The following PPARGC1A variants were observed in gnomAD, a reference collection of about 807,000 sequenced individuals.
PPARGC1A encodes PPARG coactivator 1 alpha.
A neutral mutation model predicts 88.7 loss-of-function variants in PPARGC1A; 25 were observed. The observed-to-expected ratio is 0.28, with a 90% confidence interval of 0.21 to 0.39. The LOEUF is 0.39. PPARGC1A is among the 10% of genes least tolerant of loss of function. PPARGC1A has a pLI of 1.00. For missense variants in PPARGC1A, 880 were observed against 968.7 expected (o/e 0.91, Z 1.22); for synonymous variants, 363 against 355.6 (o/e 1.02, Z -0.24).
chr4:24,069,386 C>T, the PPARGC1A span, among the ~76,000 whole-genome samples: 24 of 152,330 alleles, frequency 1.6e-4, no homozygotes, highest in African/African-American at 5.1e-4. Context: ...CTACCCATCA[C>T]CAAAGCTAGG....
chr4:24,458,997 G>A, the PPARGC1A span, among the ~76,000 whole-genome samples: 14 of 151,934 alleles, frequency 9.2e-5, no homozygotes, highest in South Asian at 4.2e-4. Flanking sequence ...GTTTTGATTC[G>A]ATTTTTCTTC....
At chr4:24,258,726 G>A in the PPARGC1A span, among the ~76,000 whole-genome samples, 1 of 152,152 alleles carries the variant, frequency 6.6e-6, no homozygotes, top group Non-Finnish European at 1.5e-5. Flanking sequence ...ATATGGACTT[G>A]TCTTTTAAAA....
the PPARGC1A span, among the ~76,000 whole-genome samples, chr4:24,333,115 G>C: frequency 3.1e-4 from 47 of 152,070 alleles, no homozygotes; most frequent in Non-Finnish European, 2.8e-4. Context: ...GGTGACACGC[G>C]CCTGTAATCC....
the PPARGC1A span, among the ~76,000 whole-genome samples, chr4:24,075,729 T>C: frequency 6.6e-6 from 1 of 152,148 alleles, no homozygotes; most frequent in South Asian, 2.1e-4. Flanking sequence ...ACTGCCACCA[T>C]GTAAGACGTG....
At chr4:24,209,689 G>C in the PPARGC1A span, among the ~76,000 whole-genome samples, 1 of 152,024 alleles carries the variant, frequency 6.6e-6, no homozygotes, top group African/African-American at 2.4e-5. Flanking sequence ...TACAAAATGG[G>C]GTACAGAAAG....
the PPARGC1A span, among the ~76,000 whole-genome samples, chr4:24,453,641 G>T: frequency 2.0e-5 from 3 of 152,174 alleles, no homozygotes; most frequent in Admixed American, 2.0e-4. Flanking sequence ...TTAGCTGGGC[G>T]TGGTGGCACA....
chr4:24,393,013 G>GCACACACACACACA, the PPARGC1A span, among the ~76,000 whole-genome samples: 36 of 146,096 alleles, frequency 2.5e-4, no homozygotes, highest in African/African-American at 8.3e-4. Flanking sequence ...TGCTCCATCA[G>GCACACACACACACA]CACACACACA....
intron 12 of PPARGC1A, among the ~76,000 whole-genome samples, chr4:23,801,131 G>T (rs1215496637): frequency 3.3e-5 from 5 of 151,832 alleles, no homozygotes; most frequent in African/African-American, 1.2e-4. Context: ...AACAATGATG[G>T]CAATGCTATG....
the PPARGC1A span, among the ~76,000 whole-genome samples, chr4:24,169,794 G>A: frequency 2.7e-3 from 404 of 152,098 alleles, 1 homozygote; most frequent in African/African-American, 9.0e-3. Flanking sequence ...CAGAGATGGC[G>A]CTACTACAAT....
At chr4:24,185,672 A>G in the PPARGC1A span, among the ~76,000 whole-genome samples, 2 of 152,136 alleles carry the variant, frequency 1.3e-5, no homozygotes, top group Admixed American at 1.3e-4. Context: ...TAAGTTGATA[A>G]TATTACTTTC....
chr4:23,990,655 G>C, the PPARGC1A span, among the ~76,000 whole-genome samples: 1 of 150,614 alleles, frequency 6.6e-6, no homozygotes, highest in East Asian at 2.0e-4. Context: ...CTCAGGTCTA[G>C]CTCATCACTC....
At chr4:23,991,802 T>C in the PPARGC1A span, among the ~76,000 whole-genome samples, 2 of 152,012 alleles carry the variant, frequency 1.3e-5, no homozygotes, top group African/African-American at 4.8e-5. Context: ...CTCCAAGTGT[T>C]TCAACAACTA....
At chr4:24,017,803 A>G in the PPARGC1A span, among the ~76,000 whole-genome samples, 58 of 152,352 alleles carry the variant, frequency 3.8e-4, no homozygotes, top group Non-Finnish European at 6.8e-4. Context: ...TACTTAACAA[A>G]TGGCAAAAGT....
intron 1 of PPARGC1A, among the ~76,000 whole-genome samples, chr4:23,897,011 C>T (rs529403456): frequency 1.3e-5 from 2 of 152,342 alleles, no homozygotes; most frequent in South Asian, 4.1e-4. Context: ...TGCCATGTTG[C>T]AGCCCCGTGC....
At chr4:24,177,623 A>T in the PPARGC1A span, among the ~76,000 whole-genome samples, 2 of 5,006 alleles carry the variant, frequency 4.0e-4, no homozygotes, top group South Asian at 4.0e-3. Context: ...GTATAATTAA[A>T]TAAATAAATA....
the PPARGC1A span, among the ~76,000 whole-genome samples, chr4:24,073,306 T>A: frequency 6.6e-6 from 1 of 152,190 alleles, no homozygotes; most frequent in African/African-American, 2.4e-5. Flanking sequence ...CCTCCCAAAG[T>A]ACTGGGATCA....
the PPARGC1A span, among the ~76,000 whole-genome samples, chr4:24,382,827 G>A: frequency 9.6e-4 from 147 of 152,340 alleles, no homozygotes; most frequent in African/African-American, 3.4e-3. Context: ...AGACTTAAAC[G>A]TTCCTGCTGC....
chr4:24,427,599 G>C, the PPARGC1A span, among the ~76,000 whole-genome samples: 1 of 152,142 alleles, frequency 6.6e-6, no homozygotes, highest in African/African-American at 2.4e-5. Flanking sequence ...CTGCCCAACG[G>C]TGCTGGATCT....
At chr4:24,223,250 A>ATTTTT in the PPARGC1A span, among the ~76,000 whole-genome samples, 1 of 135,356 alleles carries the variant, frequency 7.4e-6, no homozygotes, top group Non-Finnish European at 1.5e-5. Context: ...ACTTTTGTGG[A>ATTTTT]TTTTTTTTTT....
Sources: allele counts gnomAD v4.1 joint callset (sites outside exome capture counted in the v4.1 genomes callset), GRCh38; gene constraint gnomAD v4.1.1; transcripts MANE v1.5; gene names NCBI Gene and HGNC (gene_info 2026-07-23, HGNC 2026-07-21).